Variants in CHD1 observed in about 807,000 individuals in gnomAD.
CHD1 encodes ATP-dependent chromatin remodeler CHD1.
Under a neutral mutation model 224.2 loss-of-function variants are expected in CHD1, and 36 were observed. That is an observed-to-expected ratio of 0.16 (90% confidence interval 0.12 to 0.21). CHD1 has a LOEUF of 0.21. Among genes scored for constraint, CHD1 ranks in the 10% least tolerant of loss-of-function variants. The pLI is 1.00. For missense variants in CHD1, 1,378 were observed against 1,994.8 expected (o/e 0.69, Z 5.89); for synonymous variants, 668 against 658.3 (o/e 1.01, Z -0.23).
rs766699562 is a variant in CHD1 at position 98,893,383 on chromosome 5, C to A, written c.1991+33G>T. 7.5e-6 allele frequency: 11 copies of A among 1,465,062 alleles called. No homozygotes were observed. In the South Asian group the frequency reaches 1.4e-4, roughly 19 times the overall value. 90.8% of individuals were successfully genotyped at this position (1,465,062 alleles called of 1,614,324 possible). On this transcript the variant is annotated intron_variant, in intron 14 of 35. Transcript: ENST00000614616. Reference sequence around the variant, plus strand: ...TTATTCCCACTAAACATAATATCCACACAATATGATTAAAATTGTAAAGTT... The same window carrying A: ...TTATTCCCACTAAACATAATATCCAAACAATATGATTAAAATTGTAAAGTT...
At chr5:98,917,299 C>CAAA (rs70984334) in intron 2 of CHD1, among the ~76,000 whole-genome samples, 4 of 119,846 alleles carry the variant, frequency 3.3e-5, no homozygotes, top group South Asian at 2.9e-4. Flanking sequence ...AACAAAGAAA[C>CAAA]AAAAAAAAAA....
At chr5:98,889,442 T>C (rs1440951287) in intron 15 of CHD1, among the ~76,000 whole-genome samples, 2 of 152,212 alleles carry the variant, frequency 1.3e-5, no homozygotes, top group Admixed American at 1.3e-4. Context: ...CCATTAGCTA[T>C]ACACAGAACA....
Position 98,868,483 on chromosome 5 carries a change from T to A in CHD1, c.4248+12A>T, listed in dbSNP as rs139716875. The A allele has an allele frequency of 5.0e-4, 805 of 1,601,188 alleles. 6 individuals carry two copies. In the African/African-American group the frequency reaches 9.1e-3, roughly 18 times the overall value. The stretch of plus-strand genomic sequence containing the variant: ...TGAGTTAATACTAATAATCAGAAAG[T>A]CTAAGGCTTACAATGCTGAATGTCT... On this transcript the variant is annotated intron_variant, in intron 31 of 35. Transcript: ENST00000614616.
At chr5:98,881,949 C>T (rs1245177280) in intron 20 of CHD1, 26 bp downstream of exon 20, 6 of 1,599,504 alleles carry the variant, frequency 3.8e-6, no homozygotes, top group Non-Finnish European at 5.1e-6. Context: ...TCTAAAATGA[C>T]ATTTTTTTAA....
intron 22 of CHD1, 141 bp from the exon 23 acceptor site, chr5:98,879,869 T>G: frequency 1.8e-6 from 1 of 565,046 alleles, no homozygotes; most frequent in Non-Finnish European, 3.1e-6. Context: ...CTAAACAACC[T>G]AGATTCATTT....
Position 98,894,654 on chromosome 5 carries a change from G to T in CHD1, c.1743C>A (p.Thr581=). 6.7e-7 allele frequency: 1 copy of T among 1,486,422 alleles called. No homozygotes were observed. Among genetic ancestry groups the T allele is most frequent in the Non-Finnish European group, 9.2e-7 (1 of 1,082,334 alleles). 92.1% of individuals were successfully genotyped at this position (1,486,422 alleles called of 1,614,324 possible). The change falls in exon 13 of 36, where the codon ACC becomes ACA. Residue 581 remains threonine, a synonymous_variant. Coordinates refer to ENST00000614616, the MANE Select transcript of CHD1 (RefSeq NM_001270.4). ...ACAATATATTAAATTTTAACCGTTT[G>T]GTCTGATGATGCGTCCATTCATGAG... ...IRTHEWTHHQ[T]KRLKFNILLT...
intron 3 of CHD1, 118 bp from the exon 4 acceptor site, chr5:98,904,026 T>C: frequency 1.6e-6 from 1 of 622,660 alleles, no homozygotes; most frequent in Non-Finnish European, 2.8e-6. Flanking sequence ...AAGACTATAT[T>C]CCTTACCTAT....
intron 17 of CHD1, among the ~76,000 whole-genome samples, chr5:98,886,933 T>A (rs1750688402): frequency 6.6e-6 from 1 of 151,946 alleles, no homozygotes; most frequent in Admixed American, 6.5e-5. Flanking sequence ...GTCAAACTAA[T>A]TTTTTGTTTG....
chr5:98,878,213 T>C (rs1284817207), intron 23 of CHD1, among the ~76,000 whole-genome samples: 7 of 152,196 alleles, frequency 4.6e-5, no homozygotes, highest in African/African-American at 1.7e-4. Context: ...GAAGGAAGAC[T>C]GGAGAAAACT....
chr5:98,861,759 C>T (rs1020366057), intron 32 of CHD1, among the ~76,000 whole-genome samples: 2 of 151,828 alleles, frequency 1.3e-5, no homozygotes, highest in African/African-American at 4.8e-5. Flanking sequence ...ACCTTGGCCT[C>T]CCAACGTGCT....
intron 2 of CHD1, among the ~76,000 whole-genome samples, chr5:98,906,581 A>C (rs1752065978): frequency 6.6e-6 from 1 of 152,336 alleles, no homozygotes; most frequent in African/African-American, 2.4e-5. Flanking sequence ...CATCAAAAGA[A>C]CTATTTAACC....
At chr5:98,858,096 T>A in intron 35 of CHD1, 84 bp downstream of exon 35, 1 of 1,018,794 alleles carries the variant, frequency 9.8e-7, no homozygotes, top group Non-Finnish European at 1.5e-6. Flanking sequence ...AAGATTGAAT[T>A]GGCTGACAGG....
At chr5:98,903,520 T>C (rs932814105) in intron 4 of CHD1, among the ~76,000 whole-genome samples, 11 of 152,218 alleles carry the variant, frequency 7.2e-5, no homozygotes, top group Non-Finnish European at 1.6e-4. Flanking sequence ...CATTTAATTA[T>C]TTCCCACAGA....
chr5:98,868,785 T>C, intron 30 of CHD1, 150 bp from the exon 31 acceptor site: 1 of 813,456 alleles, frequency 1.2e-6, no homozygotes, highest in East Asian at 2.9e-5. Flanking sequence ...ATTTGTTTTT[T>C]TCCCCAATTT....
chr5:98,892,760 G>T, intron 14 of CHD1, 47 bp from the exon 15 acceptor site: 1 of 1,278,940 alleles, frequency 7.8e-7, no homozygotes, highest in Non-Finnish European at 1.1e-6. Flanking sequence ...AAATCAAATT[G>T]TGTATGTTGT....
chr5:98,928,067 G>C (rs1561287882), intron 1 of CHD1, among the ~76,000 whole-genome samples: 1 of 152,038 alleles, frequency 6.6e-6, no homozygotes, highest in African/African-American at 2.4e-5. Flanking sequence ...CCTCCCTCGC[G>C]GACCTGCCCC....
intron 2 of CHD1, among the ~76,000 whole-genome samples, chr5:98,906,186 T>G (rs1054389368): frequency 1.3e-5 from 2 of 152,164 alleles, no homozygotes; most frequent in African/African-American, 4.8e-5. Context: ...GTGAGATATA[T>G]AAATGCTTAA....
intron 35 of CHD1, 27 bp from the exon 36 acceptor site, chr5:98,856,752 G>T: frequency 7.3e-7 from 1 of 1,374,048 alleles, no homozygotes; most frequent in Non-Finnish European, 1.0e-6. Context: ...GAGAATTTTA[G>T]ACAAATCATG....
At chr5:98,921,307 G>A (rs1311903811) in intron 2 of CHD1, among the ~76,000 whole-genome samples, 1 of 152,136 alleles carries the variant, frequency 6.6e-6, no homozygotes, top group African/African-American at 2.4e-5. Flanking sequence ...ACAATTAATT[G>A]GAGGTTCGCA....
Sources: allele counts gnomAD v4.1 joint callset (sites outside exome capture counted in the v4.1 genomes callset), GRCh38; gene constraint gnomAD v4.1.1; transcripts MANE v1.5; gene names NCBI Gene and HGNC (gene_info 2026-07-23, HGNC 2026-07-21).